TENM3: variants seen among roughly 807,000 people sequenced by gnomAD.
TENM3 encodes teneurin-3.
A neutral mutation model predicts 255.1 loss-of-function variants in TENM3; 63 were observed. That is an observed-to-expected ratio of 0.25 (90% confidence interval 0.20 to 0.30). The LOEUF (loss-of-function observed/expected upper bound fraction) is 0.30, where lower values mean the gene tolerates loss of function less well. Among genes scored for constraint, TENM3 ranks in the 10% least tolerant of loss-of-function variants. The pLI is 1.00. For synonymous variants in TENM3, 1,306 were observed against 1,322.3 expected, an observed-to-expected ratio of 0.99 and a Z score of 0.27; for missense variants, 2,929 against 3,461.1, an observed-to-expected ratio of 0.85 and a Z score of 3.86.
chr4:182,427,443 G>A (rs753885479), intron 3 of TENM3, among the ~76,000 whole-genome samples: 3 of 152,082 alleles, frequency 2.0e-5, no homozygotes, highest in Non-Finnish European at 2.9e-5. Flanking sequence ...GAACTACTTG[G>A]CTCTCTTTTC....
At chr4:182,633,741 A>T (rs1373842536) in intron 5 of TENM3, among the ~76,000 whole-genome samples, 1 of 152,230 alleles carries the variant, frequency 6.6e-6, no homozygotes, top group East Asian at 1.9e-4. Flanking sequence ...GCTTAGAGAG[A>T]TGGCTCGCCT....
the TENM3 span, among the ~76,000 whole-genome samples, chr4:181,724,913 T>C: frequency 6.6e-6 from 1 of 152,222 alleles, no homozygotes; most frequent in Non-Finnish European, 1.5e-5. Flanking sequence ...TTGCCACCTT[T>C]CAGGGAGTAA....
intron 1 of TENM3, among the ~76,000 whole-genome samples, chr4:182,228,184 ATGT>A (rs1454048097): frequency 6.6e-6 from 1 of 151,834 alleles, no homozygotes; most frequent in East Asian, 1.9e-4. Context: ...ACAGTTAATA[ATGT>A]TGTATTGTGG....
chr4:181,886,738 A>T, the TENM3 span, among the ~76,000 whole-genome samples: 3,255 of 152,328 alleles, frequency 0.021, 65 homozygotes, highest in Middle Eastern at 0.044. Flanking sequence ...AAGTAATTTT[A>T]AAAATTTGGT....
the TENM3 span, among the ~76,000 whole-genome samples, chr4:181,722,054 G>A: frequency 0.69 from 105,071 of 152,030 alleles, 38,144 homozygotes; most frequent in East Asian, 0.81. Context: ...CAGAGTGAAT[G>A]TAATCCATGT....
chr4:182,242,312 GT>G (rs1195628730), upstream of TENM3, among the ~76,000 whole-genome samples: 5 of 150,486 alleles, frequency 3.3e-5, no homozygotes, highest in East Asian at 2.0e-4. Flanking sequence ...TGCGGTGTTT[GT>G]TTTTTTTTCC....
the TENM3 span, among the ~76,000 whole-genome samples, chr4:181,769,477 T>C: frequency 6.6e-6 from 1 of 152,194 alleles, no homozygotes; most frequent in South Asian, 2.1e-4. Context: ...CCTCATTGGG[T>C]TAAATAATAT....
chr4:181,701,651 G>T, the TENM3 span, among the ~76,000 whole-genome samples: 5 of 152,296 alleles, frequency 3.3e-5, no homozygotes, highest in South Asian at 1.0e-3. Flanking sequence ...CAAAATGCTT[G>T]CCTTTATAGT....
intron 3 of TENM3, among the ~76,000 whole-genome samples, chr4:182,405,504 G>A (rs1014355090): frequency 1.3e-5 from 2 of 152,210 alleles, no homozygotes; most frequent in African/African-American, 4.8e-5. Flanking sequence ...TGTATCCTTA[G>A]GGGACTTGCC....
chr4:181,818,467 A>G, the TENM3 span, among the ~76,000 whole-genome samples: 3 of 152,088 alleles, frequency 2.0e-5, no homozygotes, highest in African/African-American at 7.2e-5. Flanking sequence ...TGCTTCACCA[A>G]TCTACATTGC....
chr4:182,630,649 G>T (rs1032246181), intron 5 of TENM3, among the ~76,000 whole-genome samples: 1 of 152,058 alleles, frequency 6.6e-6, no homozygotes, highest in Non-Finnish European at 1.5e-5. Context: ...AACCACCATG[G>T]CACACATTTA....
intron 13 of TENM3, among the ~76,000 whole-genome samples, chr4:182,720,264 CAAG>C (rs1364765968): frequency 6.6e-6 from 1 of 151,298 alleles, no homozygotes; most frequent in Non-Finnish European, 1.5e-5. Flanking sequence ...AAAAATCTAG[CAAG>C]AAGGTGGGAC....
intron 19 of TENM3, among the ~76,000 whole-genome samples, chr4:182,750,300 TG>T (rs1762282732): frequency 6.6e-6 from 1 of 152,146 alleles, no homozygotes; most frequent in Non-Finnish European, 1.5e-5. Flanking sequence ...ACTCAAAGGC[TG>T]GAAAGGAGAT....
chr4:181,589,107 A>G, the TENM3 span, among the ~76,000 whole-genome samples: 3 of 152,226 alleles, frequency 2.0e-5, no homozygotes, highest in South Asian at 6.2e-4. Context: ...TACCGACTCT[A>G]GAACATTTTA....
rs1471565714 is a variant in TENM3 at position 182,175,308 on chromosome 4, A to AT, written c.-76+30554_-76+30555insT. Among the ~76,000 whole-genome samples, 320 of 76,574 alleles carry AT rather than the reference A, an allele frequency of 4.2e-3. 1 individual carries two copies. The highest frequency in any genetic ancestry group is 0.011 in the African/African-American group (280 of 24,446). The allele number at this position is 76,574 out of a possible 152,430, so 50.2% of individuals were successfully genotyped here. On this transcript the variant is annotated intron_variant, in intron 1 of 2. Transcript: ENST00000512480. ...GGCCTCTGCTCTGCTTCATTAAAAA[A>AT]AAAAAAATATATATATATATATATA...
the TENM3 span, among the ~76,000 whole-genome samples, chr4:182,073,219 G>A: frequency 2.6e-5 from 4 of 152,180 alleles, no homozygotes; most frequent in Non-Finnish European, 5.9e-5. Context: ...CAGGGGAAAT[G>A]CCAGGTGCTT....
At chr4:181,795,985 G>C in the TENM3 span, among the ~76,000 whole-genome samples, 1 of 152,252 alleles carries the variant, frequency 6.6e-6, no homozygotes, top group East Asian at 1.9e-4. Flanking sequence ...AAAGGCTAGA[G>C]GCCTGAGTAT....
chr4:181,923,408 A>G, the TENM3 span, among the ~76,000 whole-genome samples: 1 of 152,194 alleles, frequency 6.6e-6, no homozygotes, highest in South Asian at 2.1e-4. Context: ...CTGGGGACAC[A>G]TTAAACTGTG....
intron 1 of TENM3, among the ~76,000 whole-genome samples, chr4:182,271,649 T>G (rs1049808859): frequency 1.1e-4 from 17 of 152,208 alleles, no homozygotes; most frequent in African/African-American, 4.1e-4. Flanking sequence ...TCTCGGAACC[T>G]CAATCCTATA....
Sources: gnomAD v4.1 joint callset for allele counts (sites outside exome capture counted in the v4.1 genomes callset) on GRCh38, gnomAD v4.1.1 for gene constraint, MANE v1.5 for transcripts, NCBI Gene and HGNC (gene_info 2026-07-23, HGNC 2026-07-21) for gene names.